Variants in EDNRB observed in about 807,000 individuals in gnomAD.
The protein encoded by EDNRB is Hirschsprung disease 2.
In EDNRB, 18 loss-of-function variants were observed where a neutral mutation model predicts 46.4. The observed-to-expected ratio is 0.39, with a 90% CI of 0.27 to 0.57. EDNRB has a LOEUF of 0.57. Among genes scored for constraint, EDNRB ranks in the 20% least tolerant of loss-of-function variants. The pLI, the probability that EDNRB is intolerant of heterozygous loss-of-function variation, is 0.61. For missense variants in EDNRB, 434 were observed against 537.5 expected, an observed-to-expected ratio of 0.81 and a Z score of 1.90; for synonymous variants, 213 against 204.9, an observed-to-expected ratio of 1.04 and a Z score of -0.34.
chr13:77,900,663 A>T lies in EDNRB; in HGVS notation c.952-9T>A. 6.2e-7 allele frequency: 1 copy of T among 1,612,092 alleles called. No homozygotes were observed. ...TTGGCCACTTCCCGTCTCTGAAATA[A>T]ATCCATAGTTTGACCCTTAAAAGAT... On this transcript the variant is annotated splice_polypyrimidine_tract_variant and intron_variant, in intron 4 of 6. Coordinates refer to ENST00000646607, the MANE Select transcript of EDNRB (RefSeq NM_001122659.3).
intron 1 of EDNRB, among the ~76,000 whole-genome samples, chr13:77,952,059 C>T (rs1881108246): frequency 6.6e-6 from 1 of 152,122 alleles, no homozygotes; most frequent in African/African-American, 2.4e-5. Context: ...AGAAATGTTG[C>T]AGGGAAGAGG....
At chr13:77,964,175 G>A (rs7338917) in intron 1 of EDNRB, among the ~76,000 whole-genome samples, 136,575 of 152,214 alleles carry the variant, frequency 0.9, 61,348 homozygotes, top group East Asian at 0.99. Flanking sequence ...TGTTGGTGGG[G>A]CTGTAAACTA....
intron 1 of EDNRB, among the ~76,000 whole-genome samples, chr13:77,955,386 T>A (rs746492022): frequency 6.6e-6 from 1 of 152,208 alleles, no homozygotes; most frequent in Admixed American, 6.5e-5. Context: ...TTATCAGATA[T>A]ATGATTTGCA....
At chr13:77,953,952 A>T (rs578201508) in intron 1 of EDNRB, among the ~76,000 whole-genome samples, 1 of 152,312 alleles carries the variant, frequency 6.6e-6, no homozygotes, top group South Asian at 2.1e-4. Flanking sequence ...TTAAAACTTC[A>T]CTTTTTGGAG....
At position 77,897,603 on chromosome 13, in the gene EDNRB, A is replaced by G. The variant is rs201912921; in HGVS notation, c.*597T>C. The G allele has an allele frequency of 3.0e-6, 3 of 985,416 alleles. No homozygotes were observed. Among genetic ancestry groups the G allele is most frequent in the Non-Finnish European group, 3.6e-6 (3 of 830,094 alleles). The allele number at this position is 985,416 out of a possible 1,614,324, so 61.0% of individuals were successfully genotyped here. A position where few individuals can be genotyped will look rare whatever the true frequency, so the allele number is the denominator to read the frequency against. On this transcript the variant is annotated 3_prime_UTR_variant, in exon 7 of 7. Transcript: ENST00000646607. The stretch of plus-strand genomic sequence containing the variant: ...TCTAGTGAAAGTGTAATGATTTTCA[A>G]AAACAGCCTTGCTCTTTCTGTTACT...
chr13:77,903,317 C>T lies in EDNRB; in HGVS notation c.640G>A (p.Val214Ile), dbSNP rs1440733865. Residue 214 changes from valine (V) to isoleucine (I), a missense_variant, in exon 3 of 7, where the codon GTT (valine) becomes ATT (isoleucine). Coordinates refer to ENST00000646607, the MANE Select transcript of EDNRB (RefSeq NM_001122659.3). Reference sequence around the variant, plus strand: ...ATTTCTACTGCTGTCCATTTTGGAACCCCAATTCCTTTAATTCTACTCCAA... The same window carrying T: ...ATTTCTACTGCTGTCCATTTTGGAATCCCAATTCCTTTAATTCTACTCCAA... ...ASWSRIKGIGVPKWTAVEIVL... is the reference protein window; with the variant it reads ...ASWSRIKGIGIPKWTAVEIVL... The T allele has an allele frequency of 1.9e-6, 3 of 1,612,812 alleles. No individual in the cohort carries two copies. The highest frequency in any genetic ancestry group is 4.5e-5 in the East Asian group (2 of 44,812).
chr13:77,913,590 TATAAC>T (rs1355999566), intron 1 of EDNRB, among the ~76,000 whole-genome samples: 1 of 152,180 alleles, frequency 6.6e-6, no homozygotes, highest in Non-Finnish European at 1.5e-5. Flanking sequence ...TCCATGTAAA[TATAAC>T]ATAAAGAGAG....
intron 1 of EDNRB, among the ~76,000 whole-genome samples, chr13:77,958,458 C>T (rs866025581): frequency 8.5e-5 from 13 of 152,206 alleles, no homozygotes; most frequent in East Asian, 3.9e-4. Flanking sequence ...CTGCAAGCTC[C>T]GCCTCCCGGG....
intron 1 of EDNRB, among the ~76,000 whole-genome samples, chr13:77,909,321 G>A (rs1284224928): frequency 1.3e-5 from 2 of 151,916 alleles, no homozygotes; most frequent in Non-Finnish European, 2.9e-5. Flanking sequence ...GCATGAATAA[G>A]AAACAAATAT....
Position 77,898,092 on chromosome 13 carries a change from T to C in EDNRB, c.*108A>G. The C allele has an allele frequency of 1.3e-6, 2 of 1,524,300 alleles. No homozygotes were observed. Among genetic ancestry groups the C allele is most frequent in the Non-Finnish European group, 1.8e-6 (2 of 1,137,952 alleles). The allele number at this position is 1,524,300 out of a possible 1,614,324, so 94.4% of individuals were successfully genotyped here. On this transcript the variant is annotated 3_prime_UTR_variant, in exon 7 of 7. Transcript: ENST00000646607. ...AATTACACTTAATATTTTAATAGTG[T>C]GCTGTGCAAATACATAGTTTTTTGT...
At chr13:77,964,024 GCCT>G (rs1200987788) in intron 1 of EDNRB, among the ~76,000 whole-genome samples, 1 of 152,108 alleles carries the variant, frequency 6.6e-6, no homozygotes, top group African/African-American at 2.4e-5. Flanking sequence ...GAAAAAATGT[GCCT>G]CATCACTGGC....
chr13:77,916,399 T>A (rs1879806555), intron 1 of EDNRB, among the ~76,000 whole-genome samples: 1 of 152,124 alleles, frequency 6.6e-6, no homozygotes, highest in Admixed American at 6.5e-5. Flanking sequence ...CCTCATGGAG[T>A]TGTGGCTGCA....
At chr13:77,951,456 C>T (rs1881086172) in intron 1 of EDNRB, among the ~76,000 whole-genome samples, 1 of 152,134 alleles carries the variant, frequency 6.6e-6, no homozygotes, top group African/African-American at 2.4e-5. Flanking sequence ...GAGATGGAGC[C>T]TTCAATGCTT....
chr13:77,909,809 C>G (rs1436825619), intron 1 of EDNRB, among the ~76,000 whole-genome samples: 1 of 151,962 alleles, frequency 6.6e-6, no homozygotes, highest in East Asian at 1.9e-4. Context: ...AGTTCTCATA[C>G]TCTACATATA....
Position 77,931,736 on chromosome 13 carries a change from T to C in EDNRB, c.-51-13112A>G, listed in dbSNP as rs1271544364. On this transcript the variant is annotated intron_variant, in intron 1 of 7. Transcript: ENST00000646948. ...CTATTTTTCCTTAGCATTGAAATAC[T>C]GTAGTAGCAAAAAAAAAAAAAAAAC... Among the ~76,000 whole-genome samples, 11 of 116,288 alleles carry C rather than the reference T, an allele frequency of 9.5e-5. No homozygotes were observed. In the East Asian group the frequency reaches 2.2e-3, roughly 24 times the overall value. The allele number at this position is 116,288 out of a possible 152,430, so 76.3% of individuals were successfully genotyped here.
chr13:77,932,265 T>C (rs1474278809), intron 1 of EDNRB, among the ~76,000 whole-genome samples: 1 of 152,212 alleles, frequency 6.6e-6, no homozygotes, highest in Non-Finnish European at 1.5e-5. Context: ...TTTATGTCTT[T>C]TTCAATCTTT....
chr13:77,960,338 C>T (rs1187861299), intron 1 of EDNRB, among the ~76,000 whole-genome samples: 1 of 152,160 alleles, frequency 6.6e-6, no homozygotes, highest in South Asian at 2.1e-4. Context: ...CAGCAGATGT[C>T]TCGGCAGAAA....
intron 2 of EDNRB, 21 bp downstream of exon 2, chr13:77,903,474 G>A (rs1296919557): frequency 6.2e-7 from 1 of 1,609,250 alleles, no homozygotes; most frequent in Non-Finnish European, 8.5e-7. Flanking sequence ...GAATATACTT[G>A]GATTAAATAG....
chr13:77,938,570 A>G (rs1009281240), intron 1 of EDNRB, among the ~76,000 whole-genome samples: 5 of 152,150 alleles, frequency 3.3e-5, no homozygotes, highest in African/African-American at 1.2e-4. Context: ...GTGGTCAGAC[A>G]CCTCTGAAAC....
Sources: allele counts gnomAD v4.1 joint callset (sites outside exome capture counted in the v4.1 genomes callset), GRCh38; gene constraint gnomAD v4.1.1; transcripts MANE v1.5; gene names NCBI Gene and HGNC (gene_info 2026-07-23, HGNC 2026-07-21).